Variants in ADGRG6 observed in about 807,000 individuals in gnomAD.
ADGRG6 encodes the protein G-protein coupled receptor 126.
A neutral mutation model predicts 142.4 loss-of-function variants in ADGRG6; 84 were observed. The observed-to-expected ratio is 0.59, with a 90% CI of 0.49 to 0.71. The LOEUF (loss-of-function observed/expected upper bound fraction) is 0.71. Ranked by LOEUF, ADGRG6 falls within the 30% of genes least tolerant of loss-of-function variation. The probability of loss-of-function intolerance (pLI) is 0.00; values close to 1 mark genes in which losing one functional copy is unlikely to be tolerated. For synonymous variants in ADGRG6, 521 were observed against 520.5 expected (o/e 1.00, Z -0.01); for missense variants, 1,367 against 1,466.6 (o/e 0.93, Z 1.11).
intron 7 of ADGRG6, among the ~76,000 whole-genome samples, chr6:142,391,636 A>G (rs1370985031): frequency 2.0e-5 from 3 of 151,886 alleles, no homozygotes; most frequent in Non-Finnish European, 4.4e-5. Flanking sequence ...CTGAAATAAA[A>G]GAAAAATACT....
At chr6:142,391,145 T>C (rs562176583) in intron 7 of ADGRG6, among the ~76,000 whole-genome samples, 2 of 151,924 alleles carry the variant, frequency 1.3e-5, no homozygotes, top group South Asian at 4.1e-4. Flanking sequence ...TTCTTCTTTT[T>C]CTTACAAATA....
intron 3 of ADGRG6, among the ~76,000 whole-genome samples, chr6:142,369,920 A>T (rs777964277): frequency 2.0e-5 from 3 of 152,150 alleles, no homozygotes; most frequent in Admixed American, 1.3e-4. Flanking sequence ...GCTGGCTGTA[A>T]CTCAAAAGTT....
At chr6:142,370,124 G>T in intron 3 of ADGRG6, 46 bp from the exon 4 acceptor site, 1 of 1,524,556 alleles carries the variant, frequency 6.6e-7, no homozygotes, top group Non-Finnish European at 8.9e-7. Flanking sequence ...ATTAGTCTGT[G>T]TTCTGAAGTT....
At chr6:142,418,024 G>A (rs1246178430) in intron 21 of ADGRG6, among the ~76,000 whole-genome samples, 1 of 152,088 alleles carries the variant, frequency 6.6e-6, no homozygotes, top group African/African-American at 2.4e-5. Flanking sequence ...GCTGGGCGCA[G>A]TGGCTTACAC....
At position 142,405,858 on chromosome 6, in the gene ADGRG6, C is replaced by A; in HGVS notation, c.2268+30C>A. The A allele has an allele frequency of 4.0e-6, 6 of 1,501,832 alleles. No individual in the cohort carries two copies. The Middle Eastern group carries it at 7.1e-4, about 178-fold the overall frequency. The allele number at this position is 1,501,832 out of a possible 1,614,324, so 93.0% of individuals were successfully genotyped here. The stretch of plus-strand genomic sequence containing the variant: ...GCACATTCATTAAATTATTGTTTTT[C>A]AACTGCAAATGAAGTTTCTTTGAGC... On this transcript the variant is annotated intron_variant, in intron 15 of 24. Coordinates refer to ENST00000367609, the MANE Select transcript of ADGRG6 (RefSeq NM_198569.3).
intron 2 of ADGRG6, among the ~76,000 whole-genome samples, chr6:142,366,668 T>C (rs970285122): frequency 2.6e-5 from 4 of 151,844 alleles, no homozygotes; most frequent in African/African-American, 9.7e-5. Flanking sequence ...GGCACTAGAA[T>C]TGCTTGAACC....
intron 2 of ADGRG6, among the ~76,000 whole-genome samples, chr6:142,333,976 C>A (rs1252705562): frequency 6.6e-6 from 1 of 152,098 alleles, no homozygotes; most frequent in Admixed American, 6.6e-5. Flanking sequence ...TGAATAAAAT[C>A]TTTTACCAGG....
rs1028637471 is a variant in ADGRG6 at position 142,444,419 on chromosome 6, A to G, written c.*904A>G. 4.6e-4 allele frequency: 70 copies of G among 152,320 alleles called. No homozygotes were observed. The highest frequency in any genetic ancestry group is 1.6e-3 in the African/African-American group (68 of 41,576). 9.4% of individuals were successfully genotyped at this position (152,320 alleles called of 1,614,324 possible). On this transcript the variant is annotated 3_prime_UTR_variant, in exon 25 of 25. Transcript: ENST00000367609. Reference sequence around the variant, plus strand: ...GAATTTTCCTTTTAGGAGACACACAATTAAGACTCTCTGGTTCTGTCCTTG... The same window carrying G: ...GAATTTTCCTTTTAGGAGACACACAGTTAAGACTCTCTGGTTCTGTCCTTG...
At position 142,438,269 on chromosome 6, in the gene ADGRG6, C is replaced by A; in HGVS notation, c.3479C>A (p.Ser1160Tyr). 2 of 1,604,252 alleles carry A rather than the reference C, an allele frequency of 1.2e-6. No individual in the cohort carries two copies. The highest frequency in any genetic ancestry group is 1.7e-6 in the Non-Finnish European group (2 of 1,173,330). Residue 1160 changes from serine (S) to tyrosine (Y), a missense_variant, in exon 24 of 25, where the codon TCT becomes TAT. Ser to Tyr is a moderately radical substitution (Grantham distance 144, BLOSUM62 -2). Around this residue, in one of 3 missense-constraint regions of ADGRG6, gnomAD observed 344 missense variants for 348.7 expected, o/e 0.99. Coordinates refer to ENST00000367609, the MANE Select transcript of ADGRG6 (RefSeq NM_198569.3). Reference sequence around the variant, plus strand: ...AAAAGTTCTGATAATCTAGGAAAATCTTTGTCTTCAAGCTCCATTGGTTCC... The same window carrying A: ...AAAAGTTCTGATAATCTAGGAAAATATTTGTCTTCAAGCTCCATTGGTTCC... ...IKKSSDNLGK[S>Y]LSSSSIGSNS...
chr6:142,418,805 T>A (rs1429556461), intron 21 of ADGRG6, among the ~76,000 whole-genome samples: 1 of 152,174 alleles, frequency 6.6e-6, no homozygotes, highest in Non-Finnish European at 1.5e-5. Flanking sequence ...AATTTCAAGA[T>A]GAATTTAGTT....
chr6:142,380,478 C>G (rs76010434), intron 4 of ADGRG6, among the ~76,000 whole-genome samples: 1 of 152,148 alleles, frequency 6.6e-6, no homozygotes, highest in African/African-American at 2.4e-5. Flanking sequence ...CATGGTGTTG[C>G]TATTTTCCAA....
At chr6:142,440,179 C>T (rs563203412) in intron 24 of ADGRG6, among the ~76,000 whole-genome samples, 20 of 152,176 alleles carry the variant, frequency 1.3e-4, no homozygotes, top group African/African-American at 2.2e-4. Context: ...CGGGGGAAAA[C>T]GGACTAGAAG....
intron 3 of ADGRG6, 129 bp from the exon 4 acceptor site, chr6:142,370,041 G>A (rs1583048150): frequency 6.4e-6 from 4 of 626,246 alleles, no homozygotes; most frequent in East Asian, 2.7e-5. Context: ...GAGTAAGAGG[G>A]GAGGGATGGG....
chr6:142,369,757 T>A (rs1287516930), intron 3 of ADGRG6, among the ~76,000 whole-genome samples: 1 of 152,214 alleles, frequency 6.6e-6, no homozygotes, highest in Non-Finnish European at 1.5e-5. Context: ...GAACTATTAT[T>A]TATGTTTAGA....
chr6:142,382,272 C>G (rs1449747407), intron 5 of ADGRG6, among the ~76,000 whole-genome samples: 1 of 152,038 alleles, frequency 6.6e-6, no homozygotes, highest in Non-Finnish European at 1.5e-5. Context: ...AATTTATATC[C>G]TATTAAATAT....
chr6:142,405,540 T>TG, intron 14 of ADGRG6, 148 bp from the exon 15 acceptor site: 1 of 693,736 alleles, frequency 1.4e-6, no homozygotes, highest in Non-Finnish European at 2.6e-6. Flanking sequence ...ATCCAGGAGT[T>TG]GCAGTGACTA....
At chr6:142,394,261 A>G (rs1344644553) in intron 9 of ADGRG6, among the ~76,000 whole-genome samples, 1 of 152,180 alleles carries the variant, frequency 6.6e-6, no homozygotes, top group African/African-American at 2.4e-5. Context: ...GAAATTGCAA[A>G]GGTACCTTCA....
chr6:142,353,659 A>G (rs1780295770), intron 2 of ADGRG6, among the ~76,000 whole-genome samples: 1 of 152,198 alleles, frequency 6.6e-6, no homozygotes, highest in Non-Finnish European at 1.5e-5. Context: ...TAAAAAGTTG[A>G]TCTAACTTAA....
chr6:142,357,855 T>C (rs1396872688), intron 2 of ADGRG6, among the ~76,000 whole-genome samples: 2 of 152,164 alleles, frequency 1.3e-5, no homozygotes, highest in East Asian at 3.8e-4. Context: ...TGAAAGGAAG[T>C]AGGGGCTCAG....
Sources: gnomAD v4.1 joint callset for allele counts (sites outside exome capture counted in the v4.1 genomes callset) on GRCh38, gnomAD v4.1.1 for gene constraint, gnomAD v4.1.1 regional missense constraint, MANE v1.5 for transcripts, NCBI Gene and HGNC (gene_info 2026-07-23, HGNC 2026-07-21) for gene names.